PDE2A: variants seen among roughly 807,000 people sequenced by gnomAD.
PDE2A encodes the protein cGMP-dependent 3',5'-cyclic phosphodiesterase.
In PDE2A, 53 loss-of-function variants were observed where a neutral mutation model predicts 133.6. The observed-to-expected ratio is 0.40, with a 90% CI of 0.32 to 0.50. PDE2A has a LOEUF of 0.50. Ranked by LOEUF, PDE2A falls within the 20% of genes least tolerant of loss-of-function variation. The pLI is 0.73. For synonymous variants in PDE2A, 491 were observed against 490.2 expected (o/e 1.00, Z -0.02); for missense variants, 796 against 1,232.4 (o/e 0.65, Z 5.30).
In PDE2A at chr11:72,674,391, G is replaced by A. The variant is rs902208416; in HGVS notation, c.-184C>T. On this transcript the variant is annotated 5_prime_UTR_variant, in exon 1 of 31. Transcript: ENST00000334456. ...CTGCCCCGCTGCTCCCGCCTCTCCCGCTGCCACTGCCTCTGCTGCTCGGCT... is the reference window on the plus strand; with the variant it reads ...CTGCCCCGCTGCTCCCGCCTCTCCCACTGCCACTGCCTCTGCTGCTCGGCT... 25 of 582,986 alleles carry A rather than the reference G, an allele frequency of 4.3e-5. No homozygotes were observed. Among genetic ancestry groups the A allele is most frequent in the Middle Eastern group, 4.6e-4 (1 of 2,192 alleles). 36.1% of individuals were successfully genotyped at this position (582,986 alleles called of 1,614,324 possible).
In PDE2A at chr11:72,577,581, G is replaced by C; in HGVS notation, c.2629C>G (p.Leu877Val). Residue 877 changes from leucine to valine, a missense_variant, in exon 31 of 31, where the codon CTG (leucine) becomes GTG (valine). Coordinates refer to ENST00000334456, the MANE Select transcript of PDE2A (RefSeq NM_002599.5). ...AMPIYKLLQDLFPKAAELYER... is the reference protein window; with the variant it reads ...AMPIYKLLQDVFPKAAELYER... Reference sequence around the variant, plus strand: ...TACAGCTCTGCCGCTTTGGGGAACAGGTCCTGCAACAGCCTGCGGGTGCAT... The same window carrying C: ...TACAGCTCTGCCGCTTTGGGGAACACGTCCTGCAACAGCCTGCGGGTGCAT... The C allele has an allele frequency of 6.3e-7, 1 of 1,595,860 alleles. No individual in the cohort carries two copies. Among genetic ancestry groups the C allele is most frequent in the Non-Finnish European group, 8.5e-7 (1 of 1,178,860 alleles).
intron 1 of PDE2A, among the ~76,000 whole-genome samples, chr11:72,645,406 G>T (rs933296490): frequency 6.6e-6 from 1 of 152,174 alleles, no homozygotes. Context: ...CACCCTTCCT[G>T]AGGGGGCAAC....
intron 2 of PDE2A, chr11:72,615,177 C>T (rs375660948): frequency 6.7e-5 from 30 of 446,096 alleles, no homozygotes; most frequent in African/African-American, 5.7e-4. Context: ...TCCACAGGAG[C>T]CTGACCCCAC....
Position 72,605,002 on chromosome 11 carries a change from A to G in PDE2A, c.323+136T>C. ...CTGTGCTGGAGTCAGCAACCTGGCCAAGGAATCCCACCTGGCAGGGAGGCG... is the reference window on the plus strand; with the variant it reads ...CTGTGCTGGAGTCAGCAACCTGGCCGAGGAATCCCACCTGGCAGGGAGGCG... On this transcript the variant is annotated intron_variant, in intron 4 of 30. Transcript: ENST00000334456. 3 of 536,394 alleles carry G rather than the reference A, an allele frequency of 5.6e-6. No individual in the cohort carries two copies. The South Asian group carries it at 9.5e-5, about 17-fold the overall frequency. The allele number at this position is 536,394 out of a possible 1,614,324, so 33.2% of individuals were successfully genotyped here.
Position 72,642,235 on chromosome 11 carries a change from A to G in PDE2A, c.144+19T>C. The G allele has an allele frequency of 1.3e-6, 2 of 1,490,588 alleles. No homozygotes were observed. Among genetic ancestry groups the G allele is most frequent in the Non-Finnish European group, 1.8e-6 (2 of 1,121,766 alleles). The allele number at this position is 1,490,588 out of a possible 1,614,324, so 92.3% of individuals were successfully genotyped here. On this transcript the variant is annotated intron_variant, in intron 2 of 30. Transcript: ENST00000334456. ...CGGACACCCCGTTCTCCTGGTGCCC[A>G]GCGCGGGGGCCCCCCTACCTGCAGG... is the stretch of plus-strand genomic sequence containing the variant.
chr11:72,627,812 AC>A (rs1478348587), intron 2 of PDE2A, among the ~76,000 whole-genome samples: 3 of 152,260 alleles, frequency 2.0e-5, no homozygotes, highest in Non-Finnish European at 4.4e-5. Context: ...GAGAGCCATC[AC>A]AAAGAGGGCA....
At chr11:72,593,900 T>G (rs558302980) in intron 6 of PDE2A, among the ~76,000 whole-genome samples, 1 of 152,342 alleles carries the variant, frequency 6.6e-6, no homozygotes, top group African/African-American at 2.4e-5. Context: ...ATCCTATCCT[T>G]ATTTTGCTCA....
intron 4 of PDE2A, among the ~76,000 whole-genome samples, chr11:72,602,134 T>C (rs1856772930): frequency 6.6e-6 from 1 of 151,934 alleles, no homozygotes; most frequent in African/African-American, 2.4e-5. Context: ...TTGGCTGAGA[T>C]GAAAGTGGAG....
rs980250984 is a variant in PDE2A at position 72,590,302 on chromosome 11, C to G, written c.704-58G>C. 1.3e-6 allele frequency: 2 copies of G among 1,541,004 alleles called. No homozygotes were observed. The highest frequency in any genetic ancestry group is 1.8e-6 in the Non-Finnish European group (2 of 1,138,308). On this transcript the variant is annotated intron_variant, in intron 8 of 30. Coordinates refer to ENST00000334456, the MANE Select transcript of PDE2A (RefSeq NM_002599.5). The surrounding 1 kb of genome is among the most constrained non-coding windows in gnomAD (Gnocchi z 4.8). ...CCCCTCCGCACCTCCGTGTCCGGGTCCCTCAGGCGCCGCTCAGCTCCGCGC... is the reference window on the plus strand; with the variant it reads ...CCCCTCCGCACCTCCGTGTCCGGGTGCCTCAGGCGCCGCTCAGCTCCGCGC...
chr11:72,653,895 C>T (rs1353779717), intron 1 of PDE2A, among the ~76,000 whole-genome samples: 2 of 152,222 alleles, frequency 1.3e-5, no homozygotes, highest in African/African-American at 4.8e-5. Context: ...ACAGGTCTTG[C>T]CCAAGATGGA....
chr11:72,657,207 G>A (rs751556084), intron 1 of PDE2A, among the ~76,000 whole-genome samples: 1 of 152,148 alleles, frequency 6.6e-6, no homozygotes, highest in Non-Finnish European at 1.5e-5. Flanking sequence ...AGACCAGAAG[G>A]TGGCTGTCCC....
In PDE2A at chr11:72,584,959, G is replaced by T; in HGVS notation, c.1287-15C>A. 4.3e-6 allele frequency: 7 copies of T among 1,613,762 alleles called. No homozygotes were observed. The highest frequency in any genetic ancestry group is 4.5e-5 in the East Asian group (2 of 44,876). On this transcript the variant is annotated splice_polypyrimidine_tract_variant and intron_variant, in intron 16 of 30. Transcript: ENST00000334456. ...ACACAGAGCAGCTGTGGAGGGAGGG[G>T]TTTGGTCCTCTGGGGCCTGACAACC...
rs1158636627 is a variant in PDE2A, at chr11:72,576,853, A to C, written c.*531T>G. 2 of 169,200 alleles carry C rather than the reference A, an allele frequency of 1.2e-5. No homozygotes were observed. Among genetic ancestry groups the C allele is most frequent in the African/African-American group, 4.8e-5 (2 of 41,428 alleles). 10.5% of individuals were successfully genotyped at this position (169,200 alleles called of 1,614,324 possible). A position where few individuals can be genotyped will look rare whatever the true frequency, so the allele number is the denominator to read the frequency against. ...CCTGTATCCCCCAGGTCCCAATCCC[A>C]CCATCAGTATAGTAGTGGTCCTCAG... is the stretch of plus-strand genomic sequence containing the variant. On this transcript the variant is annotated 3_prime_UTR_variant, in exon 31 of 31. Transcript: ENST00000334456.
chr11:72,627,067 G>A (rs1053648133), intron 2 of PDE2A, among the ~76,000 whole-genome samples: 1 of 152,036 alleles, frequency 6.6e-6, no homozygotes. Context: ...AAGTTCTAAG[G>A]TTGCCTCCTC....
chr11:72,636,773 C>T (rs189372953), intron 2 of PDE2A, among the ~76,000 whole-genome samples: 1 of 152,298 alleles, frequency 6.6e-6, no homozygotes, highest in African/African-American at 2.4e-5. Flanking sequence ...CCTCATCACC[C>T]CCGCTTACCT....
intron 2 of PDE2A, among the ~76,000 whole-genome samples, chr11:72,632,253 G>A (rs11826928): frequency 0.021 from 3,169 of 152,284 alleles, 112 homozygotes; most frequent in African/African-American, 0.072. Context: ...GGGGTGACAG[G>A]AGCTGCACCT....
At chr11:72,673,630 G>C (rs986983804) in intron 1 of PDE2A, among the ~76,000 whole-genome samples, 1 of 152,044 alleles carries the variant, frequency 6.6e-6, no homozygotes, top group Non-Finnish European at 1.5e-5. Context: ...TTCCATGGAA[G>C]GTGGTTACCT....
At chr11:72,606,570 GA>G (rs1167445186) in intron 3 of PDE2A, among the ~76,000 whole-genome samples, 3 of 152,230 alleles carry the variant, frequency 2.0e-5, no homozygotes, top group African/African-American at 7.2e-5. Flanking sequence ...AAGGGAGTGA[GA>G]GGGGCAGACA....
At chr11:72,624,816 GTCACAT>G (rs1310023368) in intron 2 of PDE2A, among the ~76,000 whole-genome samples, 1 of 152,184 alleles carries the variant, frequency 6.6e-6, no homozygotes, top group Admixed American at 6.5e-5. Flanking sequence ...CACAGCCAGT[GTCACAT>G]ACTCAGTGAC....
Sources: allele counts gnomAD v4.1 joint callset (sites outside exome capture counted in the v4.1 genomes callset), GRCh38; gene constraint gnomAD v4.1.1; non-coding constraint Gnocchi (gnomAD v3.1); transcripts MANE v1.5; gene names NCBI Gene and HGNC (gene_info 2026-07-23, HGNC 2026-07-21).